COL22A1: variants seen among roughly 807,000 people sequenced by gnomAD.
The protein encoded by COL22A1 is collagen alpha-1(XXII) chain.
Under a neutral mutation model 248.9 loss-of-function variants are expected in COL22A1, and 221 were observed. The ratio of observed to expected loss-of-function variants is 0.89; its 90% CI spans 0.80 to 0.99. The LOEUF is 0.99. COL22A1 is among the 50% of genes least tolerant of loss of function. COL22A1 has a pLI of 0.00. For synonymous variants in COL22A1, 891 were observed against 793.4 expected, an observed-to-expected ratio of 1.12 and a Z score of -2.07; for missense variants, 2,240 against 2,179.0, an observed-to-expected ratio of 1.03 and a Z score of -0.56.
chr8:138,791,785 T>C (rs1487107943), intron 12 of COL22A1, among the ~76,000 whole-genome samples: 1 of 152,176 alleles, frequency 6.6e-6, no homozygotes, highest in African/African-American at 2.4e-5. Flanking sequence ...AGGTTTATGG[T>C]GCCAGTAAAA....
At chr8:138,675,479 AATAAAG>A (rs1345399917) in intron 41 of COL22A1, among the ~76,000 whole-genome samples, 1 of 152,196 alleles carries the variant, frequency 6.6e-6, no homozygotes, top group African/African-American at 2.4e-5. Flanking sequence ...AGTTGCATTT[AATAAAG>A]ATAAAGTTAG....
At chr8:138,862,026 T>TAAATAA (rs1822505655) in intron 3 of COL22A1, among the ~76,000 whole-genome samples, 1 of 93,274 alleles carries the variant, frequency 1.1e-5, no homozygotes, top group African/African-American at 4.3e-5. Flanking sequence ...CTGTCTCTAC[T>TAAATAA]AAAAAAAAAA....
intron 10 of COL22A1, among the ~76,000 whole-genome samples, chr8:138,805,734 GTA>G (rs915646578): frequency 6.8e-6 from 1 of 146,850 alleles, no homozygotes; most frequent in South Asian, 2.2e-4. Flanking sequence ...GATGGTGTGT[GTA>G]TATGTGATGG....
At chr8:138,868,726 T>C (rs974937276) in intron 3 of COL22A1, among the ~76,000 whole-genome samples, 2 of 142,008 alleles carry the variant, frequency 1.4e-5, no homozygotes, top group African/African-American at 2.4e-5. Context: ...AGTGTCATCA[T>C]TGTCCTCCTT....
chr8:138,888,466 A>C (rs1426600029), intron 1 of COL22A1, among the ~76,000 whole-genome samples: 2 of 152,226 alleles, frequency 1.3e-5, no homozygotes, highest in Non-Finnish European at 2.9e-5. Flanking sequence ...AGTGGGCCAG[A>C]GTGTGGTACT....
In COL22A1 at chr8:138,649,702, G is replaced by C. The variant is rs781381776; in HGVS notation, c.3410C>G (p.Pro1137Arg). ...TGTGCCTTCTCTCCCTGGCTTTCCTGGGACACCTTTGTCCCCTTTAAAACC... is the reference window on the plus strand; with the variant it reads ...TGTGCCTTCTCTCCCTGGCTTTCCTCGGACACCTTTGTCCCCTTTAAAACC... ...LPGFKGDKGV[P>R]GKPGREGTEG... The change falls in exon 46 of 65, where the codon CCA (proline) becomes CGA (arginine). Residue 1137 changes from proline (P) to arginine (R), a missense_variant. Pro to Arg is a moderately radical substitution (Grantham distance 103). Transcript: ENST00000303045. 8.1e-6 allele frequency: 13 copies of C among 1,613,316 alleles called. No homozygotes were observed. Among genetic ancestry groups the C allele is most frequent in the Middle Eastern group, 1.6e-4 (1 of 6,074 alleles).
chr8:138,664,203 G>GCT (rs1391059869), intron 41 of COL22A1, among the ~76,000 whole-genome samples: 1 of 90,116 alleles, frequency 1.1e-5, no homozygotes, highest in East Asian at 3.1e-4. Flanking sequence ...GTGCGCGCGC[G>GCT]CGCGCGCACA....
chr8:138,728,571 C>T (rs543640498), intron 23 of COL22A1, among the ~76,000 whole-genome samples: 1 of 152,150 alleles, frequency 6.6e-6, no homozygotes, highest in African/African-American at 2.4e-5. Context: ...TTGCCTTCCT[C>T]CTTTGCCCCT....
intron 3 of COL22A1, among the ~76,000 whole-genome samples, chr8:138,849,882 C>A (rs923988024): frequency 6.6e-6 from 1 of 152,102 alleles, no homozygotes; most frequent in African/African-American, 2.4e-5. Context: ...GCACTGGAAG[C>A]CACGTTGGTT....
Position 138,716,950 on chromosome 8 carries a change from A to G in COL22A1, c.2356-81T>C, listed in dbSNP as rs77563959. 534 of 1,042,258 alleles carry G rather than the reference A, an allele frequency of 5.1e-4. 2 individuals carry two copies. In the African/African-American group the frequency reaches 7.0e-3, roughly 14 times the overall value. The allele number at this position is 1,042,258 out of a possible 1,614,324, so 64.6% of individuals were successfully genotyped here. A position where few individuals can be genotyped will look rare whatever the true frequency, so the allele number is the denominator to read the frequency against. On this transcript the variant is annotated intron_variant, in intron 27 of 64. Transcript: ENST00000303045. The stretch of plus-strand genomic sequence containing the variant: ...TGCCATTTCCCAGTTGTCCTCACAC[A>G]TTCATAGCACCTGCCAGCCACAACC...
chr8:138,599,543 A>G (rs1190978734), intron 60 of COL22A1, among the ~76,000 whole-genome samples: 2 of 151,930 alleles, frequency 1.3e-5, no homozygotes, highest in Admixed American at 1.3e-4. Flanking sequence ...AGATGTTATG[A>G]CTCCATCATT....
rs543069814 is a variant in COL22A1, at chr8:138,629,485, C to A, written c.3663+1210G>T. 3.3e-5 allele frequency among the ~76,000 whole-genome samples: 5 copies of A among 152,226 alleles called. No individual in the cohort carries two copies. The South Asian group carries it at 1.0e-3, about 32-fold the overall frequency. On this transcript the variant is annotated intron_variant, in intron 50 of 64. Transcript: ENST00000303045. ...ATTTTATATTTTATTCATCCTGGGA[C>A]TTCTAGATGGGCGGCTTCAAAAGGA...
chr8:138,806,064 TG>T (rs1232229371), intron 10 of COL22A1, among the ~76,000 whole-genome samples: 5 of 4,554 alleles, frequency 1.1e-3, no homozygotes, highest in African/African-American at 5.8e-3. Flanking sequence ...TGGTGTGTGG[TG>T]GTGTGTGTGA....
chr8:138,762,441 G>A lies in COL22A1; in HGVS notation c.1829C>T (p.Pro610Leu), dbSNP rs147394443. The change falls in exon 17 of 65, where the codon CCT (proline) becomes CTT (leucine). Residue 610 changes from proline to leucine, a missense_variant. Physicochemically the swap from Pro to Leu is moderately conservative, Grantham distance 98. Coordinates refer to ENST00000303045, the MANE Select transcript of COL22A1 (RefSeq NM_152888.3). ...EKGERGLDGF[P>L]GKPGDTGQQG... is the part of the protein sequence containing the mutation. ...CTGTCCTGTGTCCCCAGGCTTCCCA[G>A]GGAATCCATCCAGGCCTCGCTCTCC... 1.4e-4 allele frequency: 230 copies of A among 1,614,042 alleles called. No homozygotes were observed. Among genetic ancestry groups the A allele is most frequent in the Non-Finnish European group, 1.9e-4 (223 of 1,180,028 alleles).
At position 138,792,526 on chromosome 8, in the gene COL22A1, C is replaced by A. The variant is rs116066616; in HGVS notation, c.1596+4293G>T. 2.6e-3 allele frequency among the ~76,000 whole-genome samples: 402 copies of A among 152,304 alleles called. 2 individuals carry two copies. Among genetic ancestry groups the A allele is most frequent in the African/African-American group, 9.2e-3 (381 of 41,570 alleles). On this transcript the variant is annotated intron_variant, in intron 12 of 64. Transcript: ENST00000303045. ...GCTCTCATGCTTACATCCTTGGGCC[C>A]AGGGAGAAAAGAGCATCTGTCCTTG...
chr8:138,762,978 G>C (rs1462078481), intron 16 of COL22A1, among the ~76,000 whole-genome samples: 1 of 152,196 alleles, frequency 6.6e-6, no homozygotes, highest in Non-Finnish European at 1.5e-5. Flanking sequence ...AGCTGACTGA[G>C]TGTCTTACTA....
At chr8:138,653,638 A>G (rs1420826520) in intron 45 of COL22A1, among the ~76,000 whole-genome samples, 1 of 152,206 alleles carries the variant, frequency 6.6e-6, no homozygotes, top group African/African-American at 2.4e-5. Context: ...TTCATTTAAC[A>G]GGGACTCTTA....
intron 27 of COL22A1, among the ~76,000 whole-genome samples, chr8:138,719,251 GA>G (rs113252888): frequency 0.021 from 3,231 of 150,822 alleles, 120 homozygotes; most frequent in African/African-American, 0.073. Context: ...GGACAGGCAT[GA>G]AAAAAAAACA....
intron 56 of COL22A1, among the ~76,000 whole-genome samples, chr8:138,612,121 A>C (rs1017443343): frequency 2.1e-5 from 3 of 142,342 alleles, no homozygotes; most frequent in African/African-American, 7.6e-5. Flanking sequence ...GATACACAAA[A>C]TGCTTCTAAC....
Sources: allele counts gnomAD v4.1 joint callset (sites outside exome capture counted in the v4.1 genomes callset), GRCh38; gene constraint gnomAD v4.1.1; transcripts MANE v1.5; gene names NCBI Gene and HGNC (gene_info 2026-07-23, HGNC 2026-07-21).